CDK14: variants seen among roughly 807,000 people sequenced by gnomAD.
CDK14 encodes cyclin dependent kinase 14.
CDK14 carries 34 observed loss-of-function variants against 60.7 expected under a neutral mutation model. The observed-to-expected ratio is 0.56, with a 90% CI of 0.43 to 0.75. The LOEUF is 0.75. Among genes scored for constraint, CDK14 ranks in the 30% least tolerant of loss-of-function variants. CDK14 has a pLI of 0.00. For missense variants in CDK14, 482 were observed against 564.1 expected (o/e 0.85, Z 1.47); for synonymous variants, 197 against 203.7 (o/e 0.97, Z 0.28).
intron 3 of CDK14, among the ~76,000 whole-genome samples, chr7:90,746,881 C>G (rs1329959188): frequency 6.6e-6 from 1 of 152,094 alleles, no homozygotes; most frequent in Non-Finnish European, 1.5e-5. Context: ...TTAGTGATAG[C>G]TGAGTGATAC....
chr7:91,188,744 T>C (rs1036619329), intron 14 of CDK14, among the ~76,000 whole-genome samples: 30 of 152,220 alleles, frequency 2.0e-4, no homozygotes, highest in African/African-American at 7.2e-4. Context: ...CATTGCCTTA[T>C]TACCAATGTT....
chr7:91,053,943 C>G (rs893843203), intron 11 of CDK14, among the ~76,000 whole-genome samples: 1 of 151,986 alleles, frequency 6.6e-6, no homozygotes, highest in African/African-American at 2.4e-5. Flanking sequence ...AGACTTGCTA[C>G]GTAAATTAAA....
chr7:91,135,766 T>C (rs1287520403), intron 14 of CDK14, among the ~76,000 whole-genome samples: 1 of 152,044 alleles, frequency 6.6e-6, no homozygotes, highest in Non-Finnish European at 1.5e-5. Flanking sequence ...GCTCAAAGCA[T>C]CCCCCTTTGC....
intron 6 of CDK14, among the ~76,000 whole-genome samples, chr7:90,879,178 A>G (rs1351657094): frequency 6.6e-6 from 1 of 152,224 alleles, no homozygotes; most frequent in African/African-American, 2.4e-5. Flanking sequence ...AGCCGATGCT[A>G]CCATGTATTA....
chr7:90,660,462 A>G (rs764572532), intron 2 of CDK14, among the ~76,000 whole-genome samples: 1 of 152,342 alleles, frequency 6.6e-6, no homozygotes, highest in South Asian at 2.1e-4. Flanking sequence ...ATGTATTAAT[A>G]TAAAAATGCT....
intron 11 of CDK14, among the ~76,000 whole-genome samples, chr7:91,072,035 G>A (rs935829907): frequency 2.0e-5 from 3 of 152,196 alleles, no homozygotes; most frequent in Non-Finnish European, 4.4e-5. Flanking sequence ...TGAGCCCCTA[G>A]GGGGAGGGGT....
chr7:90,807,694 T>C (rs767943780), intron 5 of CDK14, among the ~76,000 whole-genome samples: 5 of 152,068 alleles, frequency 3.3e-5, no homozygotes, highest in Non-Finnish European at 7.4e-5. Context: ...TCCGAACCCA[T>C]GGCAAAGAAG....
intron 2 of CDK14, among the ~76,000 whole-genome samples, chr7:90,654,208 A>G (rs919008797): frequency 1.3e-5 from 2 of 152,178 alleles, no homozygotes; most frequent in Non-Finnish European, 2.9e-5. Flanking sequence ...AGGATAAGAA[A>G]TAGCTAAAGC....
chr7:90,615,078 CTA>C (rs1563016568), intron 2 of CDK14, among the ~76,000 whole-genome samples: 1 of 151,958 alleles, frequency 6.6e-6, no homozygotes, highest in Non-Finnish European at 1.5e-5. Flanking sequence ...AATAGCTACT[CTA>C]AATTCTATGA....
intron 11 of CDK14, among the ~76,000 whole-genome samples, chr7:91,070,166 T>C (rs1584011240): frequency 6.6e-6 from 1 of 152,222 alleles, no homozygotes; most frequent in East Asian, 1.9e-4. Context: ...TAAAGTGTTC[T>C]CACACTGGTC....
chr7:90,838,675 A>C (rs963118383), intron 5 of CDK14, among the ~76,000 whole-genome samples: 2 of 152,058 alleles, frequency 1.3e-5, no homozygotes, highest in Non-Finnish European at 2.9e-5. Context: ...GAGATAAGGG[A>C]TGAAATACAC....
At chr7:90,809,211 A>G (rs1005925812) in intron 5 of CDK14, among the ~76,000 whole-genome samples, 5 of 152,200 alleles carry the variant, frequency 3.3e-5, no homozygotes, top group African/African-American at 1.2e-4. Flanking sequence ...AATTGACCAC[A>G]TAGTTGGAAG....
At chr7:91,178,812 G>A (rs1316211827) in intron 14 of CDK14, among the ~76,000 whole-genome samples, 1 of 151,606 alleles carries the variant, frequency 6.6e-6, no homozygotes, top group East Asian at 1.9e-4. Flanking sequence ...GAAACAACAG[G>A]TGCTGGAGAG....
intron 8 of CDK14, among the ~76,000 whole-genome samples, chr7:90,926,896 A>G (rs934615043): frequency 1.3e-5 from 2 of 152,180 alleles, no homozygotes; most frequent in Non-Finnish European, 2.9e-5. Flanking sequence ...ATAGTTTGCT[A>G]GAATGGCTCA....
At chr7:91,070,750 C>T (rs1437804032) in intron 11 of CDK14, among the ~76,000 whole-genome samples, 1 of 151,566 alleles carries the variant, frequency 6.6e-6, no homozygotes, top group African/African-American at 2.4e-5. Context: ...CAGAGCAAGA[C>T]CTTGTCTTTA....
chr7:90,605,569 C>T (rs1031386667), intron 2 of CDK14, among the ~76,000 whole-genome samples: 1 of 152,034 alleles, frequency 6.6e-6, no homozygotes, highest in African/African-American at 2.4e-5. Context: ...CAGGAGCAAT[C>T]AATATGAGAA....
intron 12 of CDK14, among the ~76,000 whole-genome samples, chr7:91,096,309 C>T (rs1798990410): frequency 6.6e-6 from 1 of 152,184 alleles, no homozygotes; most frequent in Non-Finnish European, 1.5e-5. Flanking sequence ...ATCACTGGCT[C>T]TGGCAAAGCC....
chr7:91,056,605 G>T (rs566343841), intron 11 of CDK14, among the ~76,000 whole-genome samples: 1 of 137,358 alleles, frequency 7.3e-6, no homozygotes, highest in South Asian at 2.2e-4. Flanking sequence ...TCCCCTTCCT[G>T]TGTCCATGTG....
At chr7:90,965,345 A>G (rs1013135893) in intron 9 of CDK14, among the ~76,000 whole-genome samples, 4 of 152,156 alleles carry the variant, frequency 2.6e-5, no homozygotes, top group African/African-American at 9.7e-5. Context: ...GGCAAAAACA[A>G]GTGAGAGGAG....
Sources: allele counts gnomAD v4.1 joint callset (sites outside exome capture counted in the v4.1 genomes callset), GRCh38; gene constraint gnomAD v4.1.1; transcripts MANE v1.5; gene names NCBI Gene and HGNC (gene_info 2026-07-23, HGNC 2026-07-21).